Variants in MTX2 observed in about 807,000 individuals in gnomAD.
The protein encoded by MTX2 is metaxin 2.
A neutral mutation model predicts 42.3 loss-of-function variants in MTX2; 35 were observed. The observed-to-expected ratio is 0.83, with a 90% CI of 0.63 to 1.10. The LOEUF (loss-of-function observed/expected upper bound fraction) is 1.10, where lower values mean the gene tolerates loss of function less well. MTX2 is among the 50% of genes least tolerant of loss of function. MTX2 has a pLI of 0.00. For synonymous variants in MTX2, 119 were observed against 100.9 expected (o/e 1.18, Z -1.08); for missense variants, 307 against 304.1 (o/e 1.01, Z -0.07).
intron 9 of MTX2, 57 bp from the exon 10 acceptor site, chr2:176,337,436 T>G: frequency 6.9e-7 from 1 of 1,441,052 alleles, no homozygotes. Context: ...CCAACTGTGT[T>G]TTCTATTGTA....
chr2:176,311,871 C>T (rs923310532), intron 3 of MTX2, among the ~76,000 whole-genome samples: 3 of 152,274 alleles, frequency 2.0e-5, no homozygotes, highest in African/African-American at 7.2e-5. Flanking sequence ...TGAGGCAGTG[C>T]CCCACCCTGC....
In MTX2 at chr2:176,309,319, G is replaced by A. The variant is rs539134470; in HGVS notation, c.135+11424G>A. 2.0e-5 allele frequency among the ~76,000 whole-genome samples: 3 copies of A among 152,236 alleles called. No individual in the cohort carries two copies. In the South Asian group the frequency reaches 6.2e-4, roughly 32 times the overall value. On this transcript the variant is annotated intron_variant, in intron 3 of 9. Transcript: ENST00000249442. ...GGAGTGCTTTACTTCCAATTATGTG[G>A]TCAATTTTAGAATAAGTGCAATGTG...
chr2:176,305,867 A>G (rs540654448), intron 3 of MTX2, among the ~76,000 whole-genome samples: 73 of 152,140 alleles, frequency 4.8e-4, no homozygotes, highest in African/African-American at 1.6e-3. Flanking sequence ...CTCTCTTTAA[A>G]GCTTTTTATG....
intron 3 of MTX2, among the ~76,000 whole-genome samples, chr2:176,316,695 G>T (rs1684449418): frequency 6.6e-6 from 1 of 152,054 alleles, no homozygotes; most frequent in Non-Finnish European, 1.5e-5. Flanking sequence ...GAGCCACCTT[G>T]CCCAGCCAAC....
chr2:176,309,131 G>C (rs1405288758), intron 3 of MTX2, among the ~76,000 whole-genome samples: 1 of 152,102 alleles, frequency 6.6e-6, no homozygotes, highest in Non-Finnish European at 1.5e-5. Context: ...CTTTATTTCT[G>C]CCTTCATTTC....
At chr2:176,324,994 T>G (rs1684675788) in intron 4 of MTX2, among the ~76,000 whole-genome samples, 1 of 151,730 alleles carries the variant, frequency 6.6e-6, no homozygotes, top group African/African-American at 2.4e-5. Context: ...GAAGACCAGT[T>G]GACTTAAACT....
chr2:176,337,786 A>T lies in MTX2; in HGVS notation c.*122A>T, dbSNP rs114817038. The T allele has an allele frequency of 3.9e-6, 3 of 768,464 alleles. No individual in the cohort carries two copies. The highest frequency in any genetic ancestry group is 2.0e-6 in the Non-Finnish European group (1 of 489,076). 47.6% of individuals were successfully genotyped at this position (768,464 alleles called of 1,614,324 possible). ...GCTTTTTGAAACCTCAAATTATATA[A>T]TGTATCTTATGTATGTGCTTTATAT... On this transcript the variant is annotated 3_prime_UTR_variant, in exon 10 of 10. Coordinates refer to ENST00000249442, the MANE Select transcript of MTX2 (RefSeq NM_006554.5).
intron 3 of MTX2, among the ~76,000 whole-genome samples, chr2:176,299,511 A>T (rs1054113063): frequency 5.9e-5 from 9 of 152,120 alleles, no homozygotes; most frequent in Non-Finnish European, 1.3e-4. Flanking sequence ...AGAAAAAAGG[A>T]CCTTTTACAA....
chr2:176,287,270 C>T (rs867606838), intron 1 of MTX2, among the ~76,000 whole-genome samples: 3 of 152,090 alleles, frequency 2.0e-5, no homozygotes, highest in South Asian at 2.1e-4. Context: ...ATTGAATGAA[C>T]GATAAAACTG....
At chr2:176,292,093 T>C (rs1407611905) in intron 1 of MTX2, among the ~76,000 whole-genome samples, 2 of 152,208 alleles carry the variant, frequency 1.3e-5, no homozygotes, top group East Asian at 1.9e-4. Flanking sequence ...TTTGACAGCA[T>C]TGGACAACTT....
chr2:176,334,768 A>G (rs1684947794), intron 9 of MTX2, among the ~76,000 whole-genome samples: 1 of 152,036 alleles, frequency 6.6e-6, no homozygotes, highest in African/African-American at 2.4e-5. Context: ...GTGCTACTTC[A>G]GTTCCTTAGA....
intron 6 of MTX2, 132 bp from the exon 7 acceptor site, chr2:176,328,742 T>C (rs1426108448): frequency 1.3e-6 from 1 of 752,782 alleles, no homozygotes; most frequent in African/African-American, 1.8e-5. Context: ...GGATAGCAGC[T>C]AAGAAAAACA....
At chr2:176,278,048 T>G (rs1352362113) in intron 1 of MTX2, among the ~76,000 whole-genome samples, 5 of 131,420 alleles carry the variant, frequency 3.8e-5, no homozygotes, top group Admixed American at 1.5e-4. Context: ...CTGGTTTTTT[T>G]TTTTTTTTTT....
Position 176,284,656 on chromosome 2 carries a change from A to G in MTX2, c.41-12204A>G, listed in dbSNP as rs146366701. Among the ~76,000 whole-genome samples, 30 of 152,376 alleles carry G rather than the reference A, an allele frequency of 2.0e-4. No homozygotes were observed. The East Asian group carries it at 5.4e-3, about 27-fold the overall frequency. On this transcript the variant is annotated intron_variant, in intron 1 of 9. Coordinates refer to ENST00000249442, the MANE Select transcript of MTX2 (RefSeq NM_006554.5). ...GAACATTATAAAATAGCAACATGTT[A>G]CTAAGGCATGTTTTAAAACATGGCT...
intron 1 of MTX2, among the ~76,000 whole-genome samples, chr2:176,291,981 G>A (rs765769565): frequency 6.6e-6 from 1 of 152,184 alleles, no homozygotes; most frequent in Non-Finnish European, 1.5e-5. Flanking sequence ...TGTAGGCCAT[G>A]TTGAGGATTT....
chr2:176,334,448 A>G (rs1206615462), intron 9 of MTX2, among the ~76,000 whole-genome samples: 1 of 151,922 alleles, frequency 6.6e-6, no homozygotes, highest in East Asian at 1.9e-4. Flanking sequence ...GCCTCAGCTC[A>G]GCTCCCCATT....
At chr2:176,298,725 T>C (rs1428524988) in intron 3 of MTX2, among the ~76,000 whole-genome samples, 1 of 152,132 alleles carries the variant, frequency 6.6e-6, no homozygotes, top group African/African-American at 2.4e-5. Context: ...TGATAACCAA[T>C]GTAAAAGTAA....
At chr2:176,326,150 T>G (rs1684700323) in intron 4 of MTX2, among the ~76,000 whole-genome samples, 2 of 151,796 alleles carry the variant, frequency 1.3e-5, no homozygotes, top group Non-Finnish European at 2.9e-5. Context: ...TTTGTTAAAG[T>G]GAAATATTTC....
intron 3 of MTX2, among the ~76,000 whole-genome samples, chr2:176,305,610 G>A (rs1263742613): frequency 2.0e-5 from 3 of 152,040 alleles, no homozygotes; most frequent in Non-Finnish European, 4.4e-5. Context: ...TTATCAGTGC[G>A]TTATTTATAT....
Sources: gnomAD v4.1 joint callset for allele counts (sites outside exome capture counted in the v4.1 genomes callset) on GRCh38, gnomAD v4.1.1 for gene constraint, MANE v1.5 for transcripts, NCBI Gene and HGNC (gene_info 2026-07-23, HGNC 2026-07-21) for gene names.